SLCO1B3: variants seen among roughly 807,000 people sequenced by gnomAD.
The protein encoded by SLCO1B3 is liver-specific organic anion transporter 2.
SLCO1B3 carries 72 observed loss-of-function variants against 71.8 expected under a neutral mutation model. The observed-to-expected ratio is 1.00, with a 90% CI of 0.83 to 1.22. The LOEUF (loss-of-function observed/expected upper bound fraction) is 1.22. Among genes scored for constraint, SLCO1B3 ranks in the 50% most tolerant of loss-of-function variants. The pLI is 0.00. For synonymous variants in SLCO1B3, 298 were observed against 278.4 expected (o/e 1.07, Z -0.70); for missense variants, 911 against 819.7 (o/e 1.11, Z -1.36).
chr12:20,836,928 A>G (rs1403829652), intron 3 of SLCO1B3, among the ~76,000 whole-genome samples: 1 of 152,220 alleles, frequency 6.6e-6, no homozygotes, highest in Non-Finnish European at 1.5e-5. Context: ...GGCGTGAGCC[A>G]CTGTGCTAGG....
intron 15 of SLCO1B3, among the ~76,000 whole-genome samples, chr12:20,913,020 T>C (rs1293341198): frequency 1.3e-5 from 2 of 152,078 alleles, no homozygotes; most frequent in African/African-American, 4.8e-5. Flanking sequence ...ATGTGGTCTA[T>C]CTTGGTGAAT....
intron 10 of SLCO1B3, among the ~76,000 whole-genome samples, chr12:20,879,205 C>CTTTTTTTTTTTTTTT (rs4149166): frequency 2.1e-5 from 2 of 95,208 alleles, no homozygotes; most frequent in Non-Finnish European, 2.0e-5. Flanking sequence ...ACCCTTCTCT[C>CTTTTTTTTTTTTTTT]TTTTTTTTTT....
At chr12:20,847,248 A>G (rs769077324) in intron 3 of SLCO1B3, among the ~76,000 whole-genome samples, 2 of 152,108 alleles carry the variant, frequency 1.3e-5, no homozygotes, top group Non-Finnish European at 2.9e-5. Context: ...ATAAAAATTT[A>G]TAAGAAAAGA....
At chr12:20,897,062 A>G (rs908813630) in intron 13 of SLCO1B3, among the ~76,000 whole-genome samples, 1 of 152,108 alleles carries the variant, frequency 6.6e-6, no homozygotes, top group Non-Finnish European at 1.5e-5. Context: ...CTCCCACAAC[A>G]CGTGGGTATT....
At chr12:20,828,356 A>T (rs574093596) in intron 3 of SLCO1B3, among the ~76,000 whole-genome samples, 1 of 152,092 alleles carries the variant, frequency 6.6e-6, no homozygotes, top group African/African-American at 2.4e-5. Flanking sequence ...AAGAACTGAG[A>T]AACTTGTCTG....
At position 20,882,209 on chromosome 12, in the gene SLCO1B3, T is replaced by G. The variant is rs368596745; in HGVS notation, c.1497+1189T>G. 8.2e-4 allele frequency among the ~76,000 whole-genome samples: 125 copies of G among 152,264 alleles called. 2 individuals carry two copies. In the South Asian group the frequency reaches 0.025, roughly 30 times the overall value. ...ACATCATCTTAATATTGGCAATGGC[T>G]ATGCTATGTGGGGGCTACTGCAAAG... On this transcript the variant is annotated intron_variant, in intron 12 of 15. Transcript: ENST00000381545.
chr12:20,829,478 GGTGTTGCACAACAAAATAA>G (rs1489219510), intron 3 of SLCO1B3, among the ~76,000 whole-genome samples: 1 of 152,152 alleles, frequency 6.6e-6, no homozygotes, highest in African/African-American at 2.4e-5. Flanking sequence ...CTCCAGAAAA[GGTGTTGCACAACAAAATAA>G]ATCTTAGATC....
intron 3 of SLCO1B3, among the ~76,000 whole-genome samples, chr12:20,819,177 C>T (rs12310911): frequency 0.026 from 3,936 of 152,168 alleles, 128 homozygotes; most frequent in East Asian, 0.12. Flanking sequence ...GGTCCTGGCT[C>T]TTGTGTAAGA....
Position 20,821,107 on chromosome 12 carries a change from G to A in SLCO1B3, c.84+5285G>A, listed in dbSNP as rs1005585849. 4.6e-5 allele frequency among the ~76,000 whole-genome samples: 7 copies of A among 152,084 alleles called. 1 individual carries two copies. The South Asian group carries it at 6.2e-4, about 14-fold the overall frequency. On this transcript the variant is annotated intron_variant, in intron 3 of 15. Transcript: ENST00000381545. Reference sequence around the variant, plus strand: ...AGGAAGATTAGAAAGACTCAGCGACGCTTGGGGTTGGGCCTGAGGGGACAG... The same window carrying A: ...AGGAAGATTAGAAAGACTCAGCGACACTTGGGGTTGGGCCTGAGGGGACAG...
intron 4 of SLCO1B3, among the ~76,000 whole-genome samples, chr12:20,858,216 C>T (rs1259663247): frequency 1.3e-5 from 2 of 152,032 alleles, no homozygotes; most frequent in Non-Finnish European, 2.9e-5. Context: ...AGCCAAATTA[C>T]CCAAGTGCTT....
chr12:20,888,687 T>C (rs1865838750), intron 13 of SLCO1B3, among the ~76,000 whole-genome samples: 1 of 152,038 alleles, frequency 6.6e-6, no homozygotes, highest in African/African-American at 2.4e-5. Flanking sequence ...TATTCCTTTA[T>C]CTTACATGAT....
Position 20,858,487 on chromosome 12 carries a change from A to G in SLCO1B3, c.275A>G (p.His92Arg), listed in dbSNP as rs144099822. 719 of 1,599,406 alleles carry G rather than the reference A, an allele frequency of 4.5e-4. 1 individual carries two copies. In the African/African-American group the frequency reaches 7.9e-3, roughly 18 times the overall value. Reference sequence around the variant, plus strand: ...GTAAGTTACTTTGGATCTAAACTACACAGACCGAAGTTAATTGGAATTGGT... The same window carrying G: ...GTAAGTTACTTTGGATCTAAACTACGCAGACCGAAGTTAATTGGAATTGGT... Reference protein sequence around the residue: ...VFVSYFGSKLHRPKLIGIGCL... With the variant: ...VFVSYFGSKLRRPKLIGIGCL... The change falls in exon 5 of 16, where the codon CAC becomes CGC. Residue 92 changes from histidine (H) to arginine (R), a missense_variant. Transcript: ENST00000381545.
chr12:20,822,687 C>T, intron 3 of SLCO1B3, among the ~76,000 whole-genome samples: 1 of 152,106 alleles, frequency 6.6e-6, no homozygotes, highest in East Asian at 1.9e-4. Context: ...AGGGAATGGT[C>T]AGTTATTTAT....
At chr12:20,884,924 T>C (rs979773944) in intron 13 of SLCO1B3, among the ~76,000 whole-genome samples, 1 of 152,168 alleles carries the variant, frequency 6.6e-6, no homozygotes, top group Non-Finnish European at 1.5e-5. Context: ...TAGCTTCATC[T>C]TAATATAAAA....
intron 15 of SLCO1B3, among the ~76,000 whole-genome samples, chr12:20,911,901 T>C (rs889302126): frequency 3.3e-5 from 5 of 152,170 alleles, no homozygotes; most frequent in Admixed American, 6.5e-5. Flanking sequence ...TTGTTGATTT[T>C]CTCCCCTCAT....
chr12:20,869,801 GGAA>G (rs1865446023), intron 8 of SLCO1B3, among the ~76,000 whole-genome samples: 2 of 152,088 alleles, frequency 1.3e-5, no homozygotes, highest in Non-Finnish European at 2.9e-5. Context: ...ACATACAAAT[GGAA>G]ATATCTCTGT....
chr12:20,851,836 G>T (rs918115390), intron 3 of SLCO1B3, among the ~76,000 whole-genome samples: 2 of 152,134 alleles, frequency 1.3e-5, no homozygotes, highest in Non-Finnish European at 2.9e-5. Flanking sequence ...TTTCACATAT[G>T]GTGTAAGACA....
rs901361686 is a variant in SLCO1B3, at chr12:20,847,695, G to GAA, written c.85-7330_85-7329dup. Among the ~76,000 whole-genome samples the GAA allele has an allele frequency of 2.7e-5, 4 of 147,050 alleles. No homozygotes were observed. The Admixed American group carries it at 2.7e-4, about 10-fold the overall frequency. On this transcript the variant is annotated intron_variant, in intron 3 of 15. Transcript: ENST00000381545. ...ATTGAAAATTTCAGTCTGAGAAGCA[G>GAA]AAAATATATATATATATATGAAGAA...
chr12:20,856,701 A>G (rs1240363273), intron 4 of SLCO1B3, among the ~76,000 whole-genome samples: 1 of 152,182 alleles, frequency 6.6e-6, no homozygotes, highest in Non-Finnish European at 1.5e-5. Context: ...CTGGGATTAG[A>G]GGCGTGTGCC....
Sources: gnomAD v4.1 joint callset for allele counts (sites outside exome capture counted in the v4.1 genomes callset) on GRCh38, gnomAD v4.1.1 for gene constraint, MANE v1.5 for transcripts, NCBI Gene and HGNC (gene_info 2026-07-23, HGNC 2026-07-21) for gene names.